PWWP2A: variants seen among roughly 807,000 people sequenced by gnomAD.
PWWP2A encodes PWWP domain containing 2A, also known as PWWP domain-containing protein 2A.
A neutral mutation model predicts 48.5 loss-of-function variants in PWWP2A; 18 were observed. The ratio of observed to expected loss-of-function variants is 0.37; its 90% confidence interval spans 0.26 to 0.55. PWWP2A has a LOEUF of 0.55. PWWP2A is among the 20% of genes least tolerant of loss of function. The pLI is 0.81. For synonymous variants in PWWP2A, 396 were observed against 387.7 expected (o/e 1.02, Z -0.25); for missense variants, 867 against 976.4 (o/e 0.89, Z 1.49).
In PWWP2A at chr5:160,093,051, G is replaced by A; in HGVS notation, c.1599C>T (p.Ala533=). The A allele has an allele frequency of 6.2e-7, 1 of 1,610,660 alleles. No homozygotes were observed. The highest frequency in any genetic ancestry group is 8.5e-7 in the Non-Finnish European group (1 of 1,178,576). ...CATTTGTGTCCTGAACCTCACTGCT[G>A]GCCTCTTCAGGGCCTTTTGAGGGAC... ...NQSPSKGPEE[A]SSEVQDTNEV... is the part of the protein sequence containing the mutation. Residue 533 remains alanine, a synonymous_variant, in exon 2 of 2, where the codon GCC becomes GCT. Transcript: ENST00000307063. The surrounding 1 kb of genome is among the most constrained non-coding windows in gnomAD (Gnocchi z 5.8).
intron 1 of PWWP2A, among the ~76,000 whole-genome samples, chr5:160,111,888 C>T (rs764431001): frequency 4.6e-5 from 7 of 151,968 alleles, no homozygotes; most frequent in Non-Finnish European, 7.4e-5. Flanking sequence ...GGTGCTGTGG[C>T]TTACACCTGT....
chr5:160,046,215 C>T, the PWWP2A span, among the ~76,000 whole-genome samples: 2 of 152,190 alleles, frequency 1.3e-5, no homozygotes, highest in Non-Finnish European at 2.9e-5. Flanking sequence ...TTTATCCATG[C>T]CATTGAAACC....
At chr5:160,050,737 CA>C in the PWWP2A span, among the ~76,000 whole-genome samples, 1 of 151,506 alleles carries the variant, frequency 6.6e-6, no homozygotes, top group Non-Finnish European at 1.5e-5. Flanking sequence ...GCAACCCTCC[CA>C]CCTCAGCCTC....
chr5:160,062,090 T>TC (rs1381108012), exon 6 of PWWP2A: 1 of 152,200 alleles, frequency 6.6e-6, no homozygotes, highest in Non-Finnish European at 1.5e-5. Flanking sequence ...AGCCACTCTG[T>TC]CCCCTGCATT....
intron 1 of PWWP2A, among the ~76,000 whole-genome samples, chr5:160,114,116 T>G (rs1448006824): frequency 6.6e-6 from 1 of 152,218 alleles, no homozygotes; most frequent in Non-Finnish European, 1.5e-5. Context: ...AAGATACAAA[T>G]TACTTTAAAG....
At chr5:160,105,774 CAAAAA>C (rs549595565) in intron 1 of PWWP2A, 944 of 65,442 alleles carry the variant, frequency 0.014, 10 homozygotes, top group African/African-American at 0.048. Flanking sequence ...GACGCCATCT[CAAAAA>C]AAAAAAAAAA....
At chr5:160,083,147 C>T (rs948200006) in intron 2 of PWWP2A, among the ~76,000 whole-genome samples, 1 of 152,208 alleles carries the variant, frequency 6.6e-6, no homozygotes, top group Non-Finnish European at 1.5e-5. Flanking sequence ...GCCCTTCTGG[C>T]TTTCCAACCT....
the PWWP2A span, chr5:160,049,801 G>A: frequency 2.7e-6 from 2 of 739,690 alleles, no homozygotes; most frequent in Non-Finnish European, 4.0e-6. Context: ...TGGGAGGCCA[G>A]GCGCAGTGGC....
At chr5:160,071,413 G>A (rs1389651517), downstream of PWWP2A, among the ~76,000 whole-genome samples, 1 of 152,158 alleles carries the variant, frequency 6.6e-6, no homozygotes, top group Non-Finnish European at 1.5e-5. Flanking sequence ...CCTGTTGGAA[G>A]ATACATCTTT....
chr5:160,098,797 G>A lies in PWWP2A; in HGVS notation c.585-4732C>T, dbSNP rs150253655. Among the ~76,000 whole-genome samples the A allele has an allele frequency of 3.3e-3, 508 of 152,078 alleles. 6 individuals carry two copies. Among genetic ancestry groups the A allele is most frequent in the African/African-American group, 0.011 (445 of 41,506 alleles). On this transcript the variant is annotated intron_variant, in intron 1 of 1. Coordinates refer to ENST00000307063, the MANE Select transcript of PWWP2A (RefSeq NM_001130864.2). The stretch of plus-strand genomic sequence containing the variant: ...AGCCTGACCAACATGGTGAAACCCC[G>A]TCTCTACTAAAAATACAAAAATCAG...
At position 160,098,873 on chromosome 5, in the gene PWWP2A, T is replaced by G. The variant is rs532444118; in HGVS notation, c.585-4808A>C. On this transcript the variant is annotated intron_variant, in intron 1 of 1. Coordinates refer to ENST00000307063, the MANE Select transcript of PWWP2A (RefSeq NM_001130864.2). Reference sequence around the variant, plus strand: ...ATCCCAGTTACTCAGGAGGCCGAGGTTGCAGTGAGCTGAGATCACGCCACT... The same window carrying G: ...ATCCCAGTTACTCAGGAGGCCGAGGGTGCAGTGAGCTGAGATCACGCCACT... 5.9e-5 allele frequency among the ~76,000 whole-genome samples: 9 copies of G among 152,066 alleles called. No homozygotes were observed. In the South Asian group the frequency reaches 1.7e-3, roughly 28 times the overall value.
chr5:160,054,619 AAAAAG>A, the PWWP2A span, among the ~76,000 whole-genome samples: 18 of 152,210 alleles, frequency 1.2e-4, no homozygotes, highest in Admixed American at 3.9e-4. Flanking sequence ...AAAAGAAAGA[AAAAAG>A]AAAAGAAAAA....
intron 1 of PWWP2A, among the ~76,000 whole-genome samples, chr5:160,109,776 T>A (rs1458400449): frequency 0.016 from 453 of 27,520 alleles, 10 homozygotes; most frequent in Non-Finnish European, 0.018. Flanking sequence ...AAAAAAAAAA[T>A]ATATATATAT....
At chr5:160,045,454 CCACA>C in the PWWP2A span, among the ~76,000 whole-genome samples, 822 of 38,788 alleles carry the variant, frequency 0.021, 23 homozygotes, top group Non-Finnish European at 0.024. Flanking sequence ...CCCCCACCCT[CCACA>C]CACACACACA....
chr5:160,067,891 A>G (rs1487086461), intron 2 of PWWP2A, among the ~76,000 whole-genome samples: 1 of 152,212 alleles, frequency 6.6e-6, no homozygotes, highest in Non-Finnish European at 1.5e-5. Flanking sequence ...GTGTGATTTT[A>G]AAGCTCTGGC....
intron 1 of PWWP2A, among the ~76,000 whole-genome samples, chr5:160,106,048 A>G (rs1200679255): frequency 2.0e-5 from 3 of 152,338 alleles, no homozygotes; most frequent in Non-Finnish European, 2.9e-5. Flanking sequence ...AAAGTTCACT[A>G]TATTGAACTG....
intron 2 of PWWP2A, among the ~76,000 whole-genome samples, chr5:160,069,578 T>C (rs992075463): frequency 2.6e-5 from 4 of 152,168 alleles, no homozygotes; most frequent in African/African-American, 4.8e-5. Flanking sequence ...CAACATTCTG[T>C]AGGCTGAGCA....
intron 4 of PWWP2A, chr5:160,065,233 T>G (rs1470022584): frequency 3.2e-6 from 3 of 945,896 alleles, no homozygotes; most frequent in Non-Finnish European, 4.9e-6. Context: ...CAGGGTGAAA[T>G]GTACTTCCTG....
intron 1 of PWWP2A, among the ~76,000 whole-genome samples, chr5:160,107,552 T>C (rs1757023663): frequency 6.6e-6 from 1 of 152,196 alleles, no homozygotes; most frequent in Admixed American, 6.5e-5. Flanking sequence ...AATATGAAAT[T>C]AACTCAGCCA....
Sources: gnomAD v4.1 joint callset for allele counts (sites outside exome capture counted in the v4.1 genomes callset) on GRCh38, gnomAD v4.1.1 for gene constraint, Gnocchi (gnomAD v3.1) non-coding constraint, MANE v1.5 for transcripts, NCBI Gene and HGNC (gene_info 2026-07-23, HGNC 2026-07-21) for gene names.